The following FOXP2 variants were observed in gnomAD, a reference collection of about 807,000 sequenced individuals.
FOXP2 encodes the protein forkhead box protein P2.
In FOXP2, 12 loss-of-function variants were observed where a neutral mutation model predicts 115.8. The ratio of observed to expected loss-of-function variants is 0.10; its 90% CI spans 0.07 to 0.17. FOXP2 has a LOEUF of 0.17. Among genes scored for constraint, FOXP2 ranks in the 10% least tolerant of loss-of-function variants. The pLI is 1.00. For synonymous variants in FOXP2, 328 were observed against 297.7 expected, an observed-to-expected ratio of 1.10 and a Z score of -1.05; for missense variants, 629 against 843.5, an observed-to-expected ratio of 0.75 and a Z score of 3.15.
intron 2 of FOXP2, among the ~76,000 whole-genome samples, chr7:114,406,021 T>G (rs931815035): frequency 6.6e-6 from 1 of 151,868 alleles, no homozygotes; most frequent in Admixed American, 6.6e-5. Context: ...CTGTCAATTT[T>G]AGTAATACAC....
At chr7:114,294,874 A>ACATGCATGCATG (rs1796701972) in intron 2 of FOXP2, among the ~76,000 whole-genome samples, 1 of 151,706 alleles carries the variant, frequency 6.6e-6, no homozygotes, top group African/African-American at 2.4e-5. Context: ...ATACATACAT[A>ACATGCATGCATG]CATACATACA....
chr7:114,257,039 A>G (rs986458568), intron 1 of FOXP2, among the ~76,000 whole-genome samples: 4 of 152,248 alleles, frequency 2.6e-5, no homozygotes, highest in African/African-American at 9.6e-5. Context: ...GCCTGACTTC[A>G]AAGTTTACTA....
At chr7:114,352,426 A>G (rs975950409) in intron 2 of FOXP2, among the ~76,000 whole-genome samples, 1 of 152,240 alleles carries the variant, frequency 6.6e-6, no homozygotes, top group Non-Finnish European at 1.5e-5. Context: ...GGCAGCATCA[A>G]TAACATAGAC....
chr7:114,125,860 G>A (rs1318587506), intron 1 of FOXP2, among the ~76,000 whole-genome samples: 1 of 152,102 alleles, frequency 6.6e-6, no homozygotes, highest in African/African-American at 2.4e-5. Flanking sequence ...TTACTGCATA[G>A]AGCACCCATT....
rs1304330064 is a variant in FOXP2 at position 114,631,512 on chromosome 7, G to T, written c.598-16G>T. ...ATGTTCTCTGCTGTTTACTGGTTTG[G>T]GTTTTCTGATACCAGCAGCAGCAGC... On this transcript the variant is annotated splice_polypyrimidine_tract_variant and intron_variant, in intron 5 of 16. Transcript: ENST00000350908. The T allele has an allele frequency of 6.4e-7, 1 of 1,556,168 alleles. No homozygotes were observed.
At chr7:114,611,798 T>G (rs957344143) in intron 3 of FOXP2, among the ~76,000 whole-genome samples, 1 of 152,146 alleles carries the variant, frequency 6.6e-6, no homozygotes, top group Non-Finnish European at 1.5e-5. Context: ...GGTTTTAGTC[T>G]AACATAATGA....
chr7:114,190,275 G>A (rs746236721), intron 1 of FOXP2, among the ~76,000 whole-genome samples: 2 of 152,160 alleles, frequency 1.3e-5, no homozygotes, highest in African/African-American at 2.4e-5. Context: ...ATATGTAGAG[G>A]TAGTAGTCTG....
rs540849713 is a variant in FOXP2 at position 114,289,478 on chromosome 7, T to C, written c.-11+1369T>C. Among the ~76,000 whole-genome samples, 11 of 152,020 alleles carry C rather than the reference T, an allele frequency of 7.2e-5. No homozygotes were observed. In the East Asian group the frequency reaches 2.1e-3, roughly 29 times the overall value. Reference sequence around the variant, plus strand: ...GTATGTTTGCCATAGATAATGGTTATACCAATATACTCTATCTTTATATAG... The same window carrying C: ...GTATGTTTGCCATAGATAATGGTTACACCAATATACTCTATCTTTATATAG... On this transcript the variant is annotated intron_variant, in intron 2 of 17. Coordinates refer to the FOXP2 transcript ENST00000634411.
chr7:114,587,775 T>G (rs1020227182), intron 3 of FOXP2, among the ~76,000 whole-genome samples: 2 of 149,728 alleles, frequency 1.3e-5, no homozygotes, highest in Non-Finnish European at 1.5e-5. Flanking sequence ...AAATACAGAA[T>G]TATTTCCTAA....
At chr7:114,459,004 G>T (rs1795444523) in intron 2 of FOXP2, among the ~76,000 whole-genome samples, 1 of 152,114 alleles carries the variant, frequency 6.6e-6, no homozygotes, top group South Asian at 2.1e-4. Context: ...GACCTTCCAA[G>T]AAGGCTTCAA....
chr7:114,538,144 A>G (rs781242655), intron 3 of FOXP2, among the ~76,000 whole-genome samples: 1 of 151,724 alleles, frequency 6.6e-6, no homozygotes, highest in Non-Finnish European at 1.5e-5. Flanking sequence ...GAGTAAGTTA[A>G]CACATCACCC....
chr7:114,477,099 T>C (rs1426556708), intron 2 of FOXP2, among the ~76,000 whole-genome samples: 2 of 151,922 alleles, frequency 1.3e-5, no homozygotes, highest in Non-Finnish European at 2.9e-5. Flanking sequence ...CCTGGAGACT[T>C]CTCAAAGCTC....
At chr7:114,632,354 T>C (rs1012260494) in intron 6 of FOXP2, among the ~76,000 whole-genome samples, 9 of 152,238 alleles carry the variant, frequency 5.9e-5, no homozygotes, top group African/African-American at 1.9e-4. Flanking sequence ...TACAATTGTG[T>C]GTCATATTCA....
At chr7:114,378,684 C>CAAAAAAAGAAAAAAAAAAAAAAAAAAAA (rs1792201146) in intron 2 of FOXP2, among the ~76,000 whole-genome samples, 1 of 18,094 alleles carries the variant, frequency 5.5e-5, no homozygotes, top group Non-Finnish European at 9.9e-5. Flanking sequence ...ACCCTGTCTC[C>CAAAAAAAGAAAAAAAAAAAAAAAAAAAA]AAAAAAAAAA....
chr7:114,510,861 T>A lies in FOXP2; in HGVS notation c.169-23756T>A, dbSNP rs959931426. Reference sequence around the variant, plus strand: ...CCCAGCAATCCCATTACTGGGTATATACCCAAAGGATTATAAACATTCTAC... The same window carrying A: ...CCCAGCAATCCCATTACTGGGTATAAACCCAAAGGATTATAAACATTCTAC... On this transcript the variant is annotated intron_variant, in intron 2 of 16. Transcript: ENST00000350908. 1.9e-4 allele frequency among the ~76,000 whole-genome samples: 29 copies of A among 152,186 alleles called. No homozygotes were observed. In the East Asian group the frequency reaches 5.6e-3, roughly 29 times the overall value.
At chr7:114,240,666 A>G (rs1795129416) in intron 1 of FOXP2, among the ~76,000 whole-genome samples, 1 of 151,956 alleles carries the variant, frequency 6.6e-6, no homozygotes, top group Non-Finnish European at 1.5e-5. Context: ...TAACATATCT[A>G]GTTTTGCTAT....
At chr7:114,404,424 T>A (rs984386186) in intron 2 of FOXP2, among the ~76,000 whole-genome samples, 9 of 152,106 alleles carry the variant, frequency 5.9e-5, no homozygotes, top group African/African-American at 2.2e-4. Flanking sequence ...TTATTGAGCA[T>A]GATCAGATAC....
intron 2 of FOXP2, among the ~76,000 whole-genome samples, chr7:114,378,162 G>C (rs1257158054): frequency 6.6e-6 from 1 of 152,142 alleles, no homozygotes; most frequent in East Asian, 1.9e-4. Flanking sequence ...TAAACTTTAA[G>C]CTCCTCTGTG....
At chr7:114,495,344 T>C (rs948528050) in intron 2 of FOXP2, among the ~76,000 whole-genome samples, 2 of 152,152 alleles carry the variant, frequency 1.3e-5, no homozygotes, top group Non-Finnish European at 2.9e-5. Context: ...GTTTTATTAA[T>C]ATTTAAGATT....
Sources: allele counts gnomAD v4.1 joint callset (sites outside exome capture counted in the v4.1 genomes callset), GRCh38; gene constraint gnomAD v4.1.1; transcripts MANE v1.5; gene names NCBI Gene and HGNC (gene_info 2026-07-23, HGNC 2026-07-21).